IGF1R: variants seen among roughly 807,000 people sequenced by gnomAD.
IGF1R encodes the protein insulin like growth factor 1 receptor, also known as insulin-like growth factor 1 receptor.
A neutral mutation model predicts 144.6 loss-of-function variants in IGF1R; 44 were observed. The ratio of observed to expected loss-of-function variants is 0.30; its 90% confidence interval spans 0.24 to 0.39. The LOEUF (loss-of-function observed/expected upper bound fraction) is 0.39. Among genes scored for constraint, IGF1R ranks in the 10% least tolerant of loss-of-function variants. The pLI is 1.00. For synonymous variants in IGF1R, 795 were observed against 722.8 expected (o/e 1.10, Z -1.60); for missense variants, 1,355 against 1,833.7 (o/e 0.74, Z 4.77).
intron 1 of IGF1R, among the ~76,000 whole-genome samples, chr15:98,677,100 A>G (rs1051446788): frequency 6.6e-6 from 1 of 151,774 alleles, no homozygotes; most frequent in Admixed American, 6.6e-5. Flanking sequence ...ATGCCTGGCT[A>G]AGTTTTTTCT....
intron 1 of IGF1R, among the ~76,000 whole-genome samples, chr15:98,653,538 T>C (rs1428393691): frequency 6.6e-6 from 1 of 152,220 alleles, no homozygotes; most frequent in Non-Finnish European, 1.5e-5. Context: ...AAAGAATCTT[T>C]AGGATGCAGT....
At chr15:98,844,470 C>T (rs1010482805) in intron 2 of IGF1R, among the ~76,000 whole-genome samples, 4 of 151,944 alleles carry the variant, frequency 2.6e-5, no homozygotes, top group Admixed American at 1.3e-4. Flanking sequence ...GGGTAGGGGG[C>T]GTGTCATGCC....
At chr15:98,755,011 G>A (rs1347799113) in intron 2 of IGF1R, among the ~76,000 whole-genome samples, 2 of 152,090 alleles carry the variant, frequency 1.3e-5, no homozygotes, top group African/African-American at 2.4e-5. Flanking sequence ...TGTATATCTG[G>A]TCTCTTTAAA....
At chr15:98,752,409 C>G (rs1270525124) in intron 2 of IGF1R, among the ~76,000 whole-genome samples, 4 of 152,058 alleles carry the variant, frequency 2.6e-5, no homozygotes, top group Admixed American at 2.0e-4. Flanking sequence ...CTTGGCTGGG[C>G]ACTGTGGCTC....
chr15:98,745,685 C>G (rs903474077), intron 2 of IGF1R, among the ~76,000 whole-genome samples: 2 of 152,216 alleles, frequency 1.3e-5, no homozygotes, highest in African/African-American at 2.4e-5. Flanking sequence ...TCAAATTCAT[C>G]TTTGGAGAAA....
At chr15:98,879,604 C>T (rs1042932585) in intron 2 of IGF1R, among the ~76,000 whole-genome samples, 2 of 151,996 alleles carry the variant, frequency 1.3e-5, no homozygotes, top group East Asian at 1.9e-4. Flanking sequence ...GATTTGATAG[C>T]GTTACCAAAT....
At chr15:98,770,630 C>G (rs117102989) in intron 2 of IGF1R, among the ~76,000 whole-genome samples, 1 of 152,234 alleles carries the variant, frequency 6.6e-6, no homozygotes, top group East Asian at 1.9e-4. Flanking sequence ...TAGGTGTAGG[C>G]ATAGATTTTT....
chr15:98,729,961 G>T lies in IGF1R; in HGVS notation c.640+21854G>T, dbSNP rs140870508. 2.0e-5 allele frequency among the ~76,000 whole-genome samples: 3 copies of T among 152,238 alleles called. No homozygotes were observed. In the East Asian group the frequency reaches 5.8e-4, roughly 29 times the overall value. On this transcript the variant is annotated intron_variant, in intron 2 of 20. Coordinates refer to ENST00000650285, the MANE Select transcript of IGF1R (RefSeq NM_000875.5). ...ATGATATTGTAATTAAAAAGTTATG[G>T]GATCACAAGGGCCTATTTAAAGGGC...
At chr15:98,674,120 G>C (rs1045959951) in intron 1 of IGF1R, among the ~76,000 whole-genome samples, 13 of 85,138 alleles carry the variant, frequency 1.5e-4, no homozygotes, top group African/African-American at 3.5e-4. Flanking sequence ...CTTTTTGAGA[G>C]AGTGGGTTTC....
At position 98,963,522 on chromosome 15, in the gene IGF1R, G is replaced by A. The variant is rs942499949; in HGVS notation, c.*6080G>A. On this transcript the variant is annotated 3_prime_UTR_variant, in exon 21 of 21. Coordinates refer to ENST00000650285, the MANE Select transcript of IGF1R (RefSeq NM_000875.5). Reference sequence around the variant, plus strand: ...ACAGCCGAGGTGTTGGAGCCCAGCAGTGCATGGCACCGTTCGGCATCTGGC... The same window carrying A: ...ACAGCCGAGGTGTTGGAGCCCAGCAATGCATGGCACCGTTCGGCATCTGGC... 2 of 233,184 alleles carry A rather than the reference G, an allele frequency of 8.6e-6. No individual in the cohort carries two copies. Among genetic ancestry groups the A allele is most frequent in the African/African-American group, 4.4e-5 (2 of 45,342 alleles). The allele number at this position is 233,184 out of a possible 1,614,324, so 14.4% of individuals were successfully genotyped here.
chr15:98,887,874 C>T (rs1220557786), intron 2 of IGF1R, among the ~76,000 whole-genome samples: 1 of 152,194 alleles, frequency 6.6e-6, no homozygotes, highest in African/African-American at 2.4e-5. Flanking sequence ...CTTTCTGATA[C>T]GAAGGTCTGG....
intron 2 of IGF1R, among the ~76,000 whole-genome samples, chr15:98,810,615 C>G (rs1270063034): frequency 6.7e-6 from 1 of 149,684 alleles, no homozygotes; most frequent in East Asian, 2.0e-4. Context: ...GTGGCGCGAT[C>G]TCTGCTCACT....
chr15:98,694,741 A>G (rs1596196202), intron 1 of IGF1R, among the ~76,000 whole-genome samples: 1 of 152,200 alleles, frequency 6.6e-6, no homozygotes, highest in Admixed American at 6.5e-5. Flanking sequence ...GTGGGGTGGA[A>G]ACTTTCTTAG....
At chr15:98,672,587 A>C (rs972356196) in intron 1 of IGF1R, among the ~76,000 whole-genome samples, 2 of 151,952 alleles carry the variant, frequency 1.3e-5, no homozygotes, top group African/African-American at 4.8e-5. Context: ...AAAAAAAAAA[A>C]AAAGTGTAGG....
chr15:98,820,891 G>A (rs184803488), intron 2 of IGF1R: 62 of 152,172 alleles, frequency 4.1e-4, no homozygotes, highest in African/African-American at 1.3e-3. Context: ...TTTAAGTATC[G>A]CAAGGCCCCA....
chr15:98,945,546 A>G (rs1303450277), intron 19 of IGF1R, among the ~76,000 whole-genome samples: 2 of 152,208 alleles, frequency 1.3e-5, no homozygotes, highest in Non-Finnish European at 2.9e-5. Context: ...TTGATTTTAT[A>G]TGAAGTCATG....
At chr15:98,912,218 G>A (rs1001653903) in intron 7 of IGF1R, among the ~76,000 whole-genome samples, 2 of 152,210 alleles carry the variant, frequency 1.3e-5, no homozygotes, top group African/African-American at 4.8e-5. Flanking sequence ...CCAAAGAGCA[G>A]CAACCAGAGG....
chr15:98,858,939 A>G (rs547231096), intron 2 of IGF1R, among the ~76,000 whole-genome samples: 6 of 152,334 alleles, frequency 3.9e-5, no homozygotes, highest in African/African-American at 1.2e-4. Flanking sequence ...AGCCTCCTCA[A>G]TGGCAGAATT....
At chr15:98,663,504 A>G (rs1033020432) in intron 1 of IGF1R, among the ~76,000 whole-genome samples, 2 of 152,240 alleles carry the variant, frequency 1.3e-5, no homozygotes, top group Non-Finnish European at 2.9e-5. Flanking sequence ...TGGTAGCATC[A>G]AGGGCTAGGG....
Sources: gnomAD v4.1 joint callset for allele counts (sites outside exome capture counted in the v4.1 genomes callset) on GRCh38, gnomAD v4.1.1 for gene constraint, MANE v1.5 for transcripts, NCBI Gene and HGNC (gene_info 2026-07-23, HGNC 2026-07-21) for gene names.